Variants in ZER1 observed in about 807,000 individuals in gnomAD.
ZER1 encodes zyg-11 related cell cycle regulator, also known as protein zer-1 homolog.
A neutral mutation model predicts 78.8 loss-of-function variants in ZER1; 11 were observed. That is an observed-to-expected ratio of 0.14 (90% confidence interval 0.09 to 0.23). The LOEUF (loss-of-function observed/expected upper bound fraction) is 0.23, where lower values mean the gene tolerates loss of function less well. Among genes scored for constraint, ZER1 ranks in the 10% least tolerant of loss-of-function variants. ZER1 has a pLI of 1.00. For synonymous variants in ZER1, 400 were observed against 407.0 expected (o/e 0.98, Z 0.21); for missense variants, 588 against 996.9 (o/e 0.59, Z 5.52).
chr9:128,731,992 G>A (rs1050337509), intron 15 of ZER1, among the ~76,000 whole-genome samples: 5 of 152,182 alleles, frequency 3.3e-5, no homozygotes, highest in African/African-American at 4.8e-5. Context: ...CTTGGACCCC[G>A]GACAGCTTGC....
chr9:128,739,874 T>C, intron 13 of ZER1, 57 bp downstream of exon 13: 6 of 1,556,092 alleles, frequency 3.9e-6, no homozygotes, highest in Non-Finnish European at 5.2e-6. Context: ...ATGAGCATCC[T>C]GCCCAGCACT....
At chr9:128,759,102 T>C (rs1435073191) in intron 1 of ZER1, among the ~76,000 whole-genome samples, 2 of 151,990 alleles carry the variant, frequency 1.3e-5, no homozygotes, top group Admixed American at 1.3e-4. Flanking sequence ...GTTCAAGTCA[T>C]TCTCCTGCCT....
chr9:128,754,922 G>A lies in ZER1; in HGVS notation c.158+486C>T, dbSNP rs1863808368. 6.6e-6 allele frequency among the ~76,000 whole-genome samples: 1 copy of A among 152,130 alleles called. No individual in the cohort carries two copies. Among genetic ancestry groups the A allele is most frequent in the African/African-American group, 2.4e-5 (1 of 41,430 alleles). On this transcript the variant is annotated intron_variant, in intron 2 of 15. Transcript: ENST00000291900. The surrounding 1 kb of genome is among the most constrained non-coding windows in gnomAD (Gnocchi z 4.3). ...GGGGAGGCCCTCGGAGGGCCATTCA[G>A]ATTTTCTGGATGATTCACTCCCTGA...
chr9:128,752,761 C>T lies in ZER1; in HGVS notation c.835G>A (p.Gly279Arg). Residue 279 changes from glycine to arginine, a missense_variant, in exon 5 of 16, where the codon GGG becomes AGG. Physicochemically the swap from Gly to Arg is moderately radical, Grantham distance 125 (BLOSUM62 -2). Coordinates refer to ENST00000291900, the MANE Select transcript of ZER1 (RefSeq NM_006336.4). ...GAGATGTCCAGGGACATTAGGTTCC[C>T]CAGCTTCTGCACAAAGAGGCTCAGC... ...EVLSLFVQKL[G>R]NLMSLDISGH... 2 of 1,614,182 alleles carry T rather than the reference C, an allele frequency of 1.2e-6. No individual in the cohort carries two copies. The highest frequency in any genetic ancestry group is 1.7e-6 in the Non-Finnish European group (2 of 1,180,042).
chr9:128,737,250 G>A (rs967276014), intron 13 of ZER1, among the ~76,000 whole-genome samples: 2 of 151,774 alleles, frequency 1.3e-5, no homozygotes, highest in Non-Finnish European at 2.9e-5. Flanking sequence ...TCCCAAAGTG[G>A]CTGGGATTCT....
rs143931542 is a variant in ZER1, at chr9:128,737,378, C to T, written c.2043-1947G>A. Among the ~76,000 whole-genome samples, 595 of 152,248 alleles carry T rather than the reference C, an allele frequency of 3.9e-3. 2 individuals are homozygous for T. Among genetic ancestry groups the T allele is most frequent in the African/African-American group, 0.013 (524 of 41,554 alleles). On this transcript the variant is annotated intron_variant, in intron 13 of 15. Transcript: ENST00000291900. The stretch of plus-strand genomic sequence containing the variant: ...CGTGTGTGCAAAACTCCTGGGCCAG[C>T]GATTCCGCTTCCTTTCTCCCCAAGA...
chr9:128,753,112 C>T lies in ZER1; in HGVS notation c.746+52G>A. ...CGTGACAACACCCACCTCTACTCCT[C>T]CCCACCTGCCCCCCAAACCCCACCC... is the stretch of plus-strand genomic sequence containing the variant. On this transcript the variant is annotated intron_variant, in intron 4 of 15. Transcript: ENST00000291900. This position sits in a 1 kb window ranked among gnomAD's most constrained non-coding sequence, Gnocchi z 7.5. The T allele has an allele frequency of 6.8e-7, 1 of 1,472,618 alleles. No homozygotes were observed. The allele number at this position is 1,472,618 out of a possible 1,614,324, so 91.2% of individuals were successfully genotyped here.
intron 1 of ZER1, among the ~76,000 whole-genome samples, chr9:128,756,773 G>A (rs1259328053): frequency 6.6e-6 from 1 of 152,126 alleles, no homozygotes; most frequent in Non-Finnish European, 1.5e-5. Flanking sequence ...TTTCTTTTTG[G>A]GGTGATGAAA....
upstream of ZER1, among the ~76,000 whole-genome samples, chr9:128,772,157 G>A (rs1330199696): frequency 2.0e-5 from 3 of 152,258 alleles, no homozygotes; most frequent in Non-Finnish European, 2.9e-5. Flanking sequence ...GGGCCTGTTC[G>A]TGGGACCCTA....
At chr9:128,769,746 G>A (rs1305757343) in intron 1 of ZER1, among the ~76,000 whole-genome samples, 3 of 152,062 alleles carry the variant, frequency 2.0e-5, no homozygotes, top group African/African-American at 7.2e-5. Flanking sequence ...GGTGGAAAAA[G>A]GTCCCGTGCC....
upstream of ZER1, among the ~76,000 whole-genome samples, chr9:128,772,096 C>G (rs1018250179): frequency 8.5e-5 from 13 of 152,360 alleles, no homozygotes; most frequent in East Asian, 5.8e-4. Context: ...GGATGCCCCC[C>G]CCAGGCCACC....
At position 128,753,178 on chromosome 9, in the gene ZER1, C is replaced by G; in HGVS notation, c.732G>C (p.Gln244His). ...CAGGAGCTCACCGCAGCTTGTGCAG[C>G]TGCACGATGACCCGGATGTGGTCGT... The part of the protein sequence containing the change: ...LSDDHIRVIV[Q>H]LHKLRHLDIS... The change falls in exon 4 of 16, where the codon CAG becomes CAC. Residue 244 changes from glutamine (Q) to histidine (H), a missense_variant. Coordinates refer to ENST00000291900, the MANE Select transcript of ZER1 (RefSeq NM_006336.4). The surrounding 1 kb of genome is among the most constrained non-coding windows in gnomAD (Gnocchi z 7.5). 1 of 1,548,074 alleles carries G rather than the reference C, an allele frequency of 6.5e-7. No individual in the cohort carries two copies. The highest frequency in any genetic ancestry group is 1.2e-5 in the South Asian group (1 of 84,160).
intron 1 of ZER1, among the ~76,000 whole-genome samples, chr9:128,756,459 A>G (rs1863862884): frequency 6.6e-6 from 1 of 152,224 alleles, no homozygotes; most frequent in East Asian, 1.9e-4. Flanking sequence ...GACCATTCAT[A>G]GCAACATTAT....
In ZER1 at chr9:128,753,968, G is replaced by C. The variant is rs779898031; in HGVS notation, c.159-9C>G. On this transcript the variant is annotated splice_polypyrimidine_tract_variant and intron_variant, in intron 2 of 15. Transcript: ENST00000291900. The surrounding 1 kb of genome is among the most constrained non-coding windows in gnomAD (Gnocchi z 7.5). ...TCACCAGCTCCACATACCTGGGAGA[G>C]AAAAAAGCCTGGCTCAGGAGAGGGC... 4 of 1,579,188 alleles carry C rather than the reference G, an allele frequency of 2.5e-6. No homozygotes were observed. Among genetic ancestry groups the C allele is most frequent in the Non-Finnish European group, 3.4e-6 (4 of 1,163,232 alleles).
At chr9:128,749,034 T>C (rs1034656893) in intron 8 of ZER1, among the ~76,000 whole-genome samples, 2 of 146,244 alleles carry the variant, frequency 1.4e-5, no homozygotes, top group East Asian at 4.2e-4. Flanking sequence ...AAAATATATA[T>C]ATATATATTG....
chr9:128,740,818 C>T lies in ZER1; in HGVS notation c.1807G>A (p.Glu603Lys). 1 of 781,064 alleles carries T rather than the reference C, an allele frequency of 1.3e-6. No individual in the cohort carries two copies. The highest frequency in any genetic ancestry group is 2.4e-6 in the Non-Finnish European group (1 of 418,144). The allele number at this position is 781,064 out of a possible 1,614,324, so 48.4% of individuals were successfully genotyped here. The change falls in exon 12 of 16, where the codon GAG (glutamate) becomes AAG (lysine). Residue 603 changes from glutamate (E) to lysine (K), a missense_variant. Transcript: ENST00000291900. The surrounding 1 kb of genome is among the most constrained non-coding windows in gnomAD (Gnocchi z 4.4). ...GAAGTCATTAGTTGAGGCCTCAGCT[C>T]CTTCACTTCTGCCACATTCCCCAAA... ...GLLGNVAEVK[E>K]LRPQLMTSQF...
chr9:128,735,765 T>G (rs1324318026), intron 13 of ZER1, among the ~76,000 whole-genome samples: 1,845 of 94,362 alleles, frequency 0.02, 588 homozygotes, highest in African/African-American at 0.059. Flanking sequence ...GACCTGGTTT[T>G]TTTTTTTTTT....
chr9:128,754,070 C>T lies in ZER1; in HGVS notation c.159-111G>A, dbSNP rs1863780009. The T allele has an allele frequency of 7.6e-7, 1 of 1,314,636 alleles. No individual in the cohort carries two copies. Among genetic ancestry groups the T allele is most frequent in the South Asian group, 1.5e-5 (1 of 68,620 alleles). The allele number at this position is 1,314,636 out of a possible 1,614,324, so 81.4% of individuals were successfully genotyped here. ...TTTCTTGGATCACCCCAAGTAGCAA[C>T]CTCCTTCTCCTAAGAGTATCTGGTC... On this transcript the variant is annotated intron_variant, in intron 2 of 15. Coordinates refer to ENST00000291900, the MANE Select transcript of ZER1 (RefSeq NM_006336.4). This position sits in a 1 kb window ranked among gnomAD's most constrained non-coding sequence, Gnocchi z 4.3.
At chr9:128,734,965 A>G (rs1158015772) in intron 14 of ZER1, among the ~76,000 whole-genome samples, 3 of 152,012 alleles carry the variant, frequency 2.0e-5, no homozygotes, top group Non-Finnish European at 2.9e-5. Context: ...ATCATAGGTC[A>G]TTGCAGCTGG....
Sources: allele counts gnomAD v4.1 joint callset (sites outside exome capture counted in the v4.1 genomes callset), GRCh38; gene constraint gnomAD v4.1.1; non-coding constraint Gnocchi (gnomAD v3.1); transcripts MANE v1.5; gene names NCBI Gene and HGNC (gene_info 2026-07-23, HGNC 2026-07-21).